RASA1: variants seen among roughly 807,000 people sequenced by gnomAD.
RASA1 encodes the protein RAS p21 protein activator 1, also known as ras GTPase-activating protein 1.
RASA1 carries 25 observed loss-of-function variants against 132.2 expected under a neutral mutation model. The observed-to-expected ratio is 0.19, with a 90% CI of 0.14 to 0.26. RASA1 has a LOEUF of 0.26. RASA1 is among the 10% of genes least tolerant of loss of function. The pLI is 1.00. For synonymous variants in RASA1, 477 were observed against 449.9 expected (o/e 1.06, Z -0.76); for missense variants, 964 against 1,299.2 (o/e 0.74, Z 3.97).
intron 24 of RASA1, among the ~76,000 whole-genome samples, chr5:87,390,313 G>A (rs1762407563): frequency 6.6e-6 from 1 of 152,082 alleles, no homozygotes; most frequent in African/African-American, 2.4e-5. Context: ...TGCTGTCACC[G>A]CACTGGCTAA....
At chr5:87,383,567 T>C (rs1214510315) in intron 20 of RASA1, 146 bp from the exon 21 acceptor site, 11 of 571,886 alleles carry the variant, frequency 1.9e-5, no homozygotes, top group Non-Finnish European at 3.0e-5. Flanking sequence ...TAAAGCTTTC[T>C]GTGTCTGGGC....
intron 24 of RASA1, 39 bp from the exon 25 acceptor site, chr5:87,390,761 A>G (rs2112530207): frequency 1.3e-6 from 2 of 1,544,596 alleles, no homozygotes; most frequent in Middle Eastern, 3.4e-4. Context: ...TTGCTGACCG[A>G]GCTTTCATTT....
At chr5:87,291,155 G>C (rs1469543382) in intron 1 of RASA1, among the ~76,000 whole-genome samples, 1 of 152,178 alleles carries the variant, frequency 6.6e-6, no homozygotes, top group Non-Finnish European at 1.5e-5. Context: ...TGTAAAAGGT[G>C]TATAGTGATA....
At chr5:87,293,343 A>G (rs1754987485) in intron 1 of RASA1, among the ~76,000 whole-genome samples, 1 of 151,224 alleles carries the variant, frequency 6.6e-6, no homozygotes, top group Admixed American at 6.6e-5. Flanking sequence ...CGTCAAATGG[A>G]TTTTCTGCAT....
intron 1 of RASA1, among the ~76,000 whole-genome samples, chr5:87,287,304 T>C (rs1754654244): frequency 6.8e-6 from 1 of 147,602 alleles, no homozygotes; most frequent in Non-Finnish European, 1.5e-5. Context: ...ACACCATATA[T>C]ACACACCATA....
At chr5:87,327,981 A>AG (rs1182168038) in intron 1 of RASA1, among the ~76,000 whole-genome samples, 5 of 152,154 alleles carry the variant, frequency 3.3e-5, no homozygotes, top group South Asian at 2.1e-4. Flanking sequence ...AAAAAAAAAA[A>AG]AGAGAGAGAA....
intron 8 of RASA1, among the ~76,000 whole-genome samples, chr5:87,349,965 T>C (rs973740207): frequency 6.6e-6 from 1 of 151,896 alleles, no homozygotes; most frequent in Admixed American, 6.6e-5. Flanking sequence ...ATAATCTTCA[T>C]TTGTGAACGT....
chr5:87,389,334 A>C, intron 23 of RASA1, 59 bp from the exon 24 acceptor site: 1 of 1,605,716 alleles, frequency 6.2e-7, no homozygotes, highest in Non-Finnish European at 8.5e-7. Flanking sequence ...TCTGTCTCAA[A>C]AAAAACAAAA....
chr5:87,336,827 AGTGAAATATTGGCC>A (rs1758009186), intron 4 of RASA1, among the ~76,000 whole-genome samples: 1 of 152,098 alleles, frequency 6.6e-6, no homozygotes, highest in African/African-American at 2.4e-5. Flanking sequence ...CCATTCAGCT[AGTGAAATATTGGCC>A]ATCATTAAGA....
intron 5 of RASA1, among the ~76,000 whole-genome samples, chr5:87,340,879 A>G (rs1758381810): frequency 6.6e-6 from 1 of 152,170 alleles, no homozygotes; most frequent in Non-Finnish European, 1.5e-5. Context: ...AATTGGTAGT[A>G]TGAGACAGGA....
In RASA1 at chr5:87,313,438, TTC is replaced by T. The variant is rs372416465; in HGVS notation, c.540-17907_540-17906del. 1.7e-3 allele frequency among the ~76,000 whole-genome samples: 256 copies of T among 152,274 alleles called. No homozygotes were observed. In the Middle Eastern group the frequency reaches 0.017, roughly 10 times the overall value. On this transcript the variant is annotated intron_variant, in intron 1 of 24. Coordinates refer to ENST00000274376, the MANE Select transcript of RASA1 (RefSeq NM_002890.3). ...AGCTTGAATGGGAGAGTGAAAGTCA[TTC>T]TCCAGTTTGGCTAGATACGTGGATT...
At position 87,373,901 on chromosome 5, in the gene RASA1, T is replaced by A. The variant is rs117325449; in HGVS notation, c.1777-262T>A. Reference sequence around the variant, plus strand: ...GGTAGAAAAGGTGTATTTCATTATTTCTCCAGGAATATACTGGGAGAAATA... The same window carrying A: ...GGTAGAAAAGGTGTATTTCATTATTACTCCAGGAATATACTGGGAGAAATA... On this transcript the variant is annotated intron_variant, in intron 13 of 24. Transcript: ENST00000274376. 7.9e-3 allele frequency among the ~76,000 whole-genome samples: 1,197 copies of A among 152,110 alleles called. 59 individuals carry two copies. The highest frequency in any genetic ancestry group is 0.064 in the Admixed American group (973 of 15,256).
In RASA1 at chr5:87,341,283, C is replaced by G; in HGVS notation, c.1018-7C>G. On this transcript the variant is annotated splice_polypyrimidine_tract_variant and splice_region_variant and intron_variant, in intron 5 of 24. Transcript: ENST00000274376. ...TATAAAATACTGTCTTAATGTCTTC[C>G]CTTTAGGGCCGGGAAGAAGATCCAC... 1 of 1,332,932 alleles carries G rather than the reference C, an allele frequency of 7.5e-7. No homozygotes were observed. The highest frequency in any genetic ancestry group is 9.7e-7 in the Non-Finnish European group (1 of 1,032,164). The allele number at this position is 1,332,932 out of a possible 1,614,324, so 82.6% of individuals were successfully genotyped here. A position where few individuals can be genotyped will look rare whatever the true frequency, so the allele number is the denominator to read the frequency against.
chr5:87,376,437 A>G lies in RASA1; in HGVS notation c.2056A>G (p.Thr686Ala). 1 of 1,614,034 alleles carries G rather than the reference A, an allele frequency of 6.2e-7. No homozygotes were observed. The highest frequency in any genetic ancestry group is 8.5e-7 in the Non-Finnish European group (1 of 1,179,970). ...GAGCCGATTACAGAAAGGGCATGCC[A>G]CAGATGAATGGTTTCTGCTCAGCTC... ...QLSRLQKGHA[T>A]DEWFLLSSHI... Residue 686 changes from threonine to alanine, a missense_variant, in exon 16 of 25, where the codon ACA becomes GCA. Coordinates refer to ENST00000274376, the MANE Select transcript of RASA1 (RefSeq NM_002890.3).
At chr5:87,366,960 C>T (rs1469854119) in intron 11 of RASA1, among the ~76,000 whole-genome samples, 1 of 152,192 alleles carries the variant, frequency 6.6e-6, no homozygotes, top group Non-Finnish European at 1.5e-5. Flanking sequence ...TGAGCCCAGG[C>T]TCACAACTGC....
intron 20 of RASA1, among the ~76,000 whole-genome samples, chr5:87,381,328 T>C (rs985067611): frequency 3.3e-5 from 5 of 152,222 alleles, no homozygotes; most frequent in African/African-American, 9.6e-5. Flanking sequence ...TTGAGTCTTA[T>C]TGTAGGCTTT....
intron 21 of RASA1, 105 bp from the exon 22 acceptor site, chr5:87,385,196 G>T: frequency 1.3e-6 from 1 of 772,100 alleles, no homozygotes; most frequent in South Asian, 1.4e-5. Flanking sequence ...GGAAGAATGG[G>T]TAGTAGTTTA....
At chr5:87,371,029 AC>A (rs1391962415) in intron 12 of RASA1, among the ~76,000 whole-genome samples, 1 of 152,168 alleles carries the variant, frequency 6.6e-6, no homozygotes, top group African/African-American at 2.4e-5. Flanking sequence ...TTGGTAACTT[AC>A]ATGATTTTTT....
chr5:87,353,378 T>G, intron 9 of RASA1, 143 bp downstream of exon 9: 1 of 741,750 alleles, frequency 1.3e-6, no homozygotes, highest in Non-Finnish European at 2.3e-6. Flanking sequence ...GAAAGTCAAC[T>G]GTAAGAATCT....
Sources: gnomAD v4.1 joint callset for allele counts (sites outside exome capture counted in the v4.1 genomes callset) on GRCh38, gnomAD v4.1.1 for gene constraint, MANE v1.5 for transcripts, NCBI Gene and HGNC (gene_info 2026-07-23, HGNC 2026-07-21) for gene names.